Variants in PDHX observed in about 807,000 individuals in gnomAD.
PDHX encodes the protein pyruvate dehydrogenase complex component X.
A neutral mutation model predicts 55.3 loss-of-function variants in PDHX; 33 were observed. The observed-to-expected ratio is 0.60, with a 90% CI of 0.45 to 0.80. PDHX has a LOEUF of 0.80. PDHX is among the 30% of genes least tolerant of loss of function. The probability of loss-of-function intolerance (pLI) is 0.00; values close to 1 mark genes in which losing one functional copy is unlikely to be tolerated. For synonymous variants in PDHX, 226 were observed against 219.4 expected, an observed-to-expected ratio of 1.03 and a Z score of -0.27; for missense variants, 622 against 619.9, an observed-to-expected ratio of 1.00 and a Z score of -0.04.
chr11:34,937,604 A>C (rs775931635), intron 2 of PDHX, among the ~76,000 whole-genome samples: 1 of 152,182 alleles, frequency 6.6e-6, no homozygotes, highest in Non-Finnish European at 1.5e-5. Flanking sequence ...TTCAGGAGTG[A>C]AGTCTGACTT....
chr11:34,989,268 G>A (rs1002152211), intron 9 of PDHX, among the ~76,000 whole-genome samples: 2 of 152,116 alleles, frequency 1.3e-5, no homozygotes, highest in African/African-American at 4.8e-5. Flanking sequence ...GTCCTTATGC[G>A]GCACATGACT....
chr11:34,984,467 C>G (rs1343177435), intron 8 of PDHX, 103 bp from the exon 9 acceptor site: 1 of 913,030 alleles, frequency 1.1e-6, no homozygotes, highest in Non-Finnish European at 1.7e-6. Flanking sequence ...TTTCTCTTAT[C>G]TAGCTATGTT....
rs958870505 is a variant in PDHX, at chr11:34,965,438, C to A, written c.642-1202C>A. 1.4e-4 allele frequency among the ~76,000 whole-genome samples: 21 copies of A among 152,294 alleles called. No homozygotes were observed. The East Asian group carries it at 3.7e-3, about 27-fold the overall frequency. On this transcript the variant is annotated intron_variant, in intron 5 of 10. Coordinates refer to ENST00000227868, the MANE Select transcript of PDHX (RefSeq NM_003477.3). ...CTCTTCTTCCAGGAAGGCCTAATTT[C>A]TTTTAAGAGATTACCTGATATATCT...
In PDHX at chr11:34,945,862, C is replaced by T. The variant is rs372946085; in HGVS notation, c.242-1644C>T. 1.7e-4 allele frequency among the ~76,000 whole-genome samples: 26 copies of T among 152,212 alleles called. 1 individual carries two copies. In the East Asian group the frequency reaches 3.9e-3, roughly 23 times the overall value. ...ACATTCTTAGCAAGCTACACAGATC[C>T]GTATGCCCCCTGCTAGTCAGTACAC... is the stretch of plus-strand genomic sequence containing the variant. On this transcript the variant is annotated intron_variant, in intron 2 of 10. Transcript: ENST00000227868.
At chr11:34,952,549 T>A (rs1854799765) in intron 3 of PDHX, among the ~76,000 whole-genome samples, 1 of 150,606 alleles carries the variant, frequency 6.6e-6, no homozygotes, top group African/African-American at 2.4e-5. Flanking sequence ...CGCAAATCAA[T>A]AAATGTAATC....
intron 2 of PDHX, among the ~76,000 whole-genome samples, chr11:34,932,019 G>A (rs1854188563): frequency 6.6e-6 from 1 of 152,104 alleles, no homozygotes; most frequent in Non-Finnish European, 1.5e-5. Flanking sequence ...GTGCTTAAAA[G>A]ACAGACCAGT....
intron 9 of PDHX, among the ~76,000 whole-genome samples, chr11:34,991,402 T>C (rs191564398): frequency 6.6e-6 from 1 of 152,256 alleles, no homozygotes; most frequent in Non-Finnish European, 1.5e-5. Flanking sequence ...GTGCAGTCTT[T>C]AGGAACAAAC....
rs776981891 is a variant in PDHX at position 34,931,434 on chromosome 11, T to G, written c.191T>G (p.Leu64Arg). The change falls in exon 2 of 11, where the codon CTG (leucine) becomes CGG (arginine). Residue 64 changes from leucine (L) to arginine (R), a missense_variant. Physicochemically the swap from Leu to Arg is moderately radical, Grantham distance 102. Coordinates refer to ENST00000227868, the MANE Select transcript of PDHX (RefSeq NM_003477.3). The stretch of plus-strand genomic sequence containing the variant: ...CCCATTAAGATACTAATGCCATCAC[T>G]GTCTCCTACAATGGAAGAAGGAAAC... The part of the protein sequence containing the change: ...GDPIKILMPS[L>R]SPTMEEGNIV... 15 of 1,608,084 alleles carry G rather than the reference T, an allele frequency of 9.3e-6. No individual in the cohort carries two copies. Among genetic ancestry groups the G allele is most frequent in the Non-Finnish European group, 9.4e-6 (11 of 1,175,138 alleles).
chr11:34,919,605 G>C (rs181926814), intron 1 of PDHX, among the ~76,000 whole-genome samples: 1 of 152,296 alleles, frequency 6.6e-6, no homozygotes, highest in East Asian at 1.9e-4. Context: ...AAGGCTTAGA[G>C]AAATTGAGTC....
At chr11:34,986,380 T>TA (rs1855644609) in intron 9 of PDHX, among the ~76,000 whole-genome samples, 1 of 152,030 alleles carries the variant, frequency 6.6e-6, no homozygotes, top group Admixed American at 6.6e-5. Context: ...GAGATTGGTT[T>TA]ACTGAGATAT....
chr11:34,967,249 C>T (rs1036653797), intron 6 of PDHX, among the ~76,000 whole-genome samples: 6 of 152,046 alleles, frequency 3.9e-5, no homozygotes, highest in African/African-American at 9.7e-5. Context: ...TTTATTAATC[C>T]GTTTCAATAG....
intron 8 of PDHX, among the ~76,000 whole-genome samples, chr11:34,982,559 A>T (rs1051387097): frequency 7.9e-5 from 12 of 152,286 alleles, no homozygotes; most frequent in African/African-American, 2.9e-4. Flanking sequence ...GAGAAGAATC[A>T]AATAGACGCA....
intron 8 of PDHX, among the ~76,000 whole-genome samples, chr11:34,981,288 A>T (rs192160555): frequency 1.9e-4 from 29 of 152,202 alleles, no homozygotes; most frequent in Non-Finnish European, 3.8e-4. Flanking sequence ...GCCGAGAATG[A>T]TGGTTTCCAG....
At position 34,918,936 on chromosome 11, in the gene PDHX, C is replaced by T. The variant is rs758346981; in HGVS notation, c.160+2121C>T. Reference sequence around the variant, plus strand: ...ACTCCCCTCTGCCTTCTGCCACTTACAAGGACCCTTGTGATTACATTGGGC... The same window carrying T: ...ACTCCCCTCTGCCTTCTGCCACTTATAAGGACCCTTGTGATTACATTGGGC... On this transcript the variant is annotated intron_variant, in intron 1 of 10. Coordinates refer to ENST00000227868, the MANE Select transcript of PDHX (RefSeq NM_003477.3). Among the ~76,000 whole-genome samples the T allele has an allele frequency of 2.6e-5, 4 of 152,346 alleles. No homozygotes were observed. The South Asian group carries it at 8.3e-4, about 32-fold the overall frequency.
At chr11:34,932,715 G>C (rs1003118242) in intron 2 of PDHX, among the ~76,000 whole-genome samples, 6 of 152,128 alleles carry the variant, frequency 3.9e-5, no homozygotes, top group African/African-American at 1.4e-4. Flanking sequence ...TTTACCCTTT[G>C]GCCCAGCAGC....
intron 2 of PDHX, 90 bp downstream of exon 2, chr11:34,931,574 G>A: frequency 1.4e-6 from 1 of 706,958 alleles, no homozygotes; most frequent in Non-Finnish European, 2.5e-6. Context: ...CTGTTATACA[G>A]TATGTGATAT....
intron 4 of PDHX, among the ~76,000 whole-genome samples, chr11:34,958,448 G>A (rs931436495): frequency 7.2e-5 from 11 of 152,024 alleles, no homozygotes; most frequent in African/African-American, 2.4e-4. Context: ...TTACAGGCAT[G>A]TGCCACCATG....
intron 1 of PDHX, among the ~76,000 whole-genome samples, chr11:34,919,021 A>G (rs2956107): frequency 0.37 from 56,638 of 152,000 alleles, 10,944 homozygotes; most frequent in East Asian, 0.74. Flanking sequence ...CCTTAATTCC[A>G]TCTTTAACCT....
intron 5 of PDHX, among the ~76,000 whole-genome samples, chr11:34,963,926 A>G (rs1190257718): frequency 6.6e-6 from 1 of 152,202 alleles, no homozygotes; most frequent in African/African-American, 2.4e-5. Context: ...TAATGTTTGT[A>G]TTCATCACAC....
Sources: allele counts gnomAD v4.1 joint callset (sites outside exome capture counted in the v4.1 genomes callset), GRCh38; gene constraint gnomAD v4.1.1; transcripts MANE v1.5; gene names NCBI Gene and HGNC (gene_info 2026-07-23, HGNC 2026-07-21).